C9: variants seen among roughly 807,000 people sequenced by gnomAD.
C9 encodes the protein complement C9.
A neutral mutation model predicts 65.4 loss-of-function variants in C9; 63 were observed. The observed-to-expected ratio is 0.96, with a 90% CI of 0.79 to 1.19. The LOEUF is 1.19. Ranked by LOEUF, C9 falls within the 50% of genes most tolerant of loss-of-function variation. The probability of loss-of-function intolerance (pLI) is 0.00; values close to 1 mark genes in which losing one functional copy is unlikely to be tolerated. For synonymous variants in C9, 229 were observed against 227.9 expected (o/e 1.00, Z -0.04); for missense variants, 744 against 670.1 (o/e 1.11, Z -1.22).
At chr5:39,360,093 A>C (rs1017212259) in intron 1 of C9, among the ~76,000 whole-genome samples, 6 of 152,324 alleles carry the variant, frequency 3.9e-5, no homozygotes, top group African/African-American at 1.4e-4. Flanking sequence ...CTTTTCTATT[A>C]ATGAATGTTT....
chr5:39,292,318 T>A (rs1753111135), intron 9 of C9, among the ~76,000 whole-genome samples: 1 of 151,526 alleles, frequency 6.6e-6, no homozygotes, highest in South Asian at 2.1e-4. Context: ...GTAATATCTT[T>A]AAGTACTGAA....
Position 39,322,882 on chromosome 5 carries a change from C to A in C9, c.616-6853G>T, listed in dbSNP as rs563773302. On this transcript the variant is annotated intron_variant, in intron 5 of 10. Transcript: ENST00000263408. The stretch of plus-strand genomic sequence containing the variant: ...GATTTAAATTATACTGGAGGCTGAG[C>A]ATAGGGTATATGCAAATACCACACC... Among the ~76,000 whole-genome samples, 245 of 152,174 alleles carry A rather than the reference C, an allele frequency of 1.6e-3. 2 individuals carry two copies. Among genetic ancestry groups the A allele is most frequent in the African/African-American group, 5.7e-3 (236 of 41,548 alleles).
chr5:39,332,952 T>C (rs902971766), intron 4 of C9, among the ~76,000 whole-genome samples: 6 of 152,210 alleles, frequency 3.9e-5, no homozygotes, highest in Non-Finnish European at 7.3e-5. Context: ...GGTTCAACTT[T>C]AATGGAAGGC....
rs373045023 is a variant in C9, at chr5:39,364,309, T to C, written c.77+79A>G. 1.7e-4 allele frequency: 137 copies of C among 794,468 alleles called. No individual in the cohort carries two copies. The African/African-American group carries it at 2.0e-3, about 12-fold the overall frequency. The allele number at this position is 794,468 out of a possible 1,614,324, so 49.2% of individuals were successfully genotyped here. ...TGCCATGTGGATTAACATTGTCATGTACTTTGCTGCTAAGAAGACCTTGAG... is the reference window on the plus strand; with the variant it reads ...TGCCATGTGGATTAACATTGTCATGCACTTTGCTGCTAAGAAGACCTTGAG... On this transcript the variant is annotated intron_variant, in intron 1 of 10. Transcript: ENST00000263408.
chr5:39,285,125 G>T lies in C9; in HGVS notation c.*74C>A. 1 of 1,221,680 alleles carries T rather than the reference G, an allele frequency of 8.2e-7. No individual in the cohort carries two copies. The allele number at this position is 1,221,680 out of a possible 1,614,324, so 75.7% of individuals were successfully genotyped here. ...ATGTTGCTATTTACTTGGCAGCTAA[G>T]ATTATCTTCAGGGGTAGGATCTGAA... On this transcript the variant is annotated 3_prime_UTR_variant, in exon 11 of 11. Transcript: ENST00000263408.
chr5:39,340,191 C>T (rs768070041), intron 4 of C9, among the ~76,000 whole-genome samples: 5 of 151,874 alleles, frequency 3.3e-5, no homozygotes, highest in African/African-American at 7.3e-5. Context: ...TATCCACCTA[C>T]CAAGTATTTA....
chr5:39,339,217 G>T (rs1754022427), intron 4 of C9, among the ~76,000 whole-genome samples: 1 of 152,116 alleles, frequency 6.6e-6, no homozygotes, highest in South Asian at 2.1e-4. Flanking sequence ...AGAACTTAGG[G>T]GCCTAAGACC....
chr5:39,342,326 T>G (rs527777336), intron 1 of C9, 130 bp from the exon 2 acceptor site: 1 of 624,060 alleles, frequency 1.6e-6, no homozygotes, highest in Non-Finnish European at 2.9e-6. Context: ...TTACTATATC[T>G]CTCATTTCAC....
intron 9 of C9, among the ~76,000 whole-genome samples, chr5:39,301,153 A>G (rs910080175): frequency 3.3e-5 from 5 of 152,198 alleles, no homozygotes; most frequent in Non-Finnish European, 5.9e-5. Flanking sequence ...ATCATAACCC[A>G]TAATATGATG....
intron 6 of C9, among the ~76,000 whole-genome samples, chr5:39,313,314 C>T (rs370713704): frequency 7.9e-5 from 12 of 152,250 alleles, no homozygotes; most frequent in African/African-American, 2.6e-4. Context: ...ACTACTCCAA[C>T]AAAATGTCTC....
At chr5:39,307,924 A>G (rs1753409833) in intron 8 of C9, among the ~76,000 whole-genome samples, 1 of 152,106 alleles carries the variant, frequency 6.6e-6, no homozygotes, top group Non-Finnish European at 1.5e-5. Flanking sequence ...ATTAGGGTGA[A>G]GAAAGGAAAC....
chr5:39,363,023 G>C (rs767624612), intron 1 of C9, among the ~76,000 whole-genome samples: 2 of 152,106 alleles, frequency 1.3e-5, no homozygotes, highest in Non-Finnish European at 2.9e-5. Context: ...AGCAATCAAA[G>C]CTTCCCCACA....
At chr5:39,306,460 C>G (rs1231121633) in intron 9 of C9, among the ~76,000 whole-genome samples, 157 bp downstream of exon 9, 2 of 152,226 alleles carry the variant, frequency 1.3e-5, no homozygotes, top group East Asian at 1.9e-4. Flanking sequence ...CTACACCATG[C>G]CTTTTCTCTA....
chr5:39,299,700 G>T (rs1753249437), intron 9 of C9, among the ~76,000 whole-genome samples: 1 of 152,004 alleles, frequency 6.6e-6, no homozygotes. Context: ...GGACATGATA[G>T]AACTGTGTGG....
At chr5:39,293,749 G>A (rs1753136566) in intron 9 of C9, among the ~76,000 whole-genome samples, 1 of 151,798 alleles carries the variant, frequency 6.6e-6, no homozygotes, top group South Asian at 2.1e-4. Flanking sequence ...GAGCTGCAGA[G>A]GGCACATTCT....
At chr5:39,285,870 AAAAG>A (rs1407031701) in intron 10 of C9, among the ~76,000 whole-genome samples, 2 of 152,032 alleles carry the variant, frequency 1.3e-5, no homozygotes, top group Non-Finnish European at 2.9e-5. Flanking sequence ...ATGGTATAGA[AAAAG>A]AAAGATGATG....
In C9 at chr5:39,306,809, G is replaced by A. The variant is rs1384580645; in HGVS notation, c.1241-17C>T. 6.3e-7 allele frequency: 1 copy of A among 1,584,054 alleles called. No individual in the cohort carries two copies. The highest frequency in any genetic ancestry group is 1.1e-5 in the South Asian group (1 of 90,442). On this transcript the variant is annotated splice_polypyrimidine_tract_variant and intron_variant, in intron 8 of 10. Coordinates refer to ENST00000263408, the MANE Select transcript of C9 (RefSeq NM_001737.5). ...TGATGTTTACTGAGGAGAGAAGGAA[G>A]ATTTAAAGAGAAGCAGAAGAAGTTT...
intron 5 of C9, among the ~76,000 whole-genome samples, chr5:39,319,598 G>A (rs1007293407): frequency 4.6e-5 from 7 of 152,156 alleles, no homozygotes; most frequent in African/African-American, 1.7e-4. Context: ...AGTCTCAAAG[G>A]CTGGTCACTA....
chr5:39,312,119 C>G (rs1421461861), intron 6 of C9, among the ~76,000 whole-genome samples: 1 of 152,058 alleles, frequency 6.6e-6, no homozygotes, highest in East Asian at 1.9e-4. Flanking sequence ...GTGTGATGTT[C>G]TTTAACTCAA....
Sources: allele counts gnomAD v4.1 joint callset (sites outside exome capture counted in the v4.1 genomes callset), GRCh38; gene constraint gnomAD v4.1.1; transcripts MANE v1.5; gene names NCBI Gene and HGNC (gene_info 2026-07-23, HGNC 2026-07-21).